The following TMOD2 variants were observed in gnomAD, a reference collection of about 807,000 sequenced individuals.
TMOD2 encodes the protein tropomodulin-2.
Under a neutral mutation model 39.9 loss-of-function variants are expected in TMOD2, and 22 were observed. The observed-to-expected ratio is 0.55, with a 90% CI of 0.39 to 0.79. The LOEUF is 0.79. TMOD2 is among the 30% of genes least tolerant of loss of function. TMOD2 has a pLI of 0.00. For missense variants in TMOD2, 386 were observed against 413.3 expected, an observed-to-expected ratio of 0.93 and a Z score of 0.57; for synonymous variants, 123 against 146.1, an observed-to-expected ratio of 0.84 and a Z score of 1.14.
chr15:51,763,226 A>G (rs1345772551), intron 1 of TMOD2, among the ~76,000 whole-genome samples: 1 of 152,264 alleles, frequency 6.6e-6, no homozygotes, highest in Admixed American at 6.5e-5. Context: ...GGCGTGAGCC[A>G]CTGCACCTGG....
rs1050116869 is a variant in TMOD2 at position 51,799,493 on chromosome 15, C to T, written c.876+1153C>T. On this transcript the variant is annotated intron_variant, in intron 8 of 9. Coordinates refer to ENST00000249700, the MANE Select transcript of TMOD2 (RefSeq NM_014548.4). ...TCAGTGCAGGCCCTCTGGCCCTGGACTAATGATGTTTGTTGCCAGGGGAAC... is the reference window on the plus strand; with the variant it reads ...TCAGTGCAGGCCCTCTGGCCCTGGATTAATGATGTTTGTTGCCAGGGGAAC... 1.3e-4 allele frequency among the ~76,000 whole-genome samples: 19 copies of T among 150,380 alleles called. 1 individual carries two copies. The highest frequency in any genetic ancestry group is 4.6e-4 in the African/African-American group (19 of 40,942).
At chr15:51,775,433 T>G (rs988444311) in intron 4 of TMOD2, among the ~76,000 whole-genome samples, 1 of 152,126 alleles carries the variant, frequency 6.6e-6, no homozygotes, top group African/African-American at 2.4e-5. Context: ...GGAGCCAAAT[T>G]ATAATTAGAA....
In TMOD2 at chr15:51,811,306, A is replaced by T. The variant is rs1364922920; in HGVS notation, c.*2852A>T. On this transcript the variant is annotated 3_prime_UTR_variant, in exon 10 of 10. Transcript: ENST00000249700. ...CATAATGTATATAAAATATTTTTCT[A>T]TGTATTTGTTCTGCCAGATACTGTG... 1 of 152,120 alleles carries T rather than the reference A, an allele frequency of 6.6e-6. No individual in the cohort carries two copies. The highest frequency in any genetic ancestry group is 1.5e-5 in the Non-Finnish European group (1 of 68,012). The allele number at this position is 152,120 out of a possible 1,614,324, so 9.4% of individuals were successfully genotyped here.
In TMOD2 at chr15:51,816,275, A is replaced by G. The variant is rs1005057592; in HGVS notation, c.*7821A>G. ...TTAAGATCTTTCTGCTTTCGAAGGT[A>G]TAATGTATCTATTTCTGTCAGGAAT... On this transcript the variant is annotated 3_prime_UTR_variant, in exon 10 of 10. Coordinates refer to ENST00000249700, the MANE Select transcript of TMOD2 (RefSeq NM_014548.4). The G allele has an allele frequency of 5.9e-5, 9 of 152,362 alleles. No individual in the cohort carries two copies. The highest frequency in any genetic ancestry group is 2.1e-4 in the South Asian group (1 of 4,832). The allele number at this position is 152,362 out of a possible 1,614,324, so 9.4% of individuals were successfully genotyped here. A position where few individuals can be genotyped will look rare whatever the true frequency, so the allele number is the denominator to read the frequency against.
At position 51,768,460 on chromosome 15, in the gene TMOD2, C is replaced by CTTTTT. The variant is rs61348403; in HGVS notation, c.283+50_283+54dup. On this transcript the variant is annotated intron_variant, in intron 3 of 9. Coordinates refer to ENST00000249700, the MANE Select transcript of TMOD2 (RefSeq NM_014548.4). ...GAGCATCTTGGAACAGAGGTTCTCT[C>CTTTTT]TTTTTTTTTTTTGGAACGGAGGCAC... 5.3e-4 allele frequency: 713 copies of CTTTTT among 1,351,960 alleles called. 2 individuals carry two copies. In the Admixed American group the frequency reaches 0.01, roughly 19 times the overall value. 83.7% of individuals were successfully genotyped at this position (1,351,960 alleles called of 1,614,324 possible).
At chr15:51,806,799 T>C (rs1722832405) in intron 9 of TMOD2, among the ~76,000 whole-genome samples, 1 of 152,238 alleles carries the variant, frequency 6.6e-6, no homozygotes, top group Non-Finnish European at 1.5e-5. Context: ...GTTTCTCTTT[T>C]ACTTACATGT....
chr15:51,753,781 G>T (rs2055723704), intron 1 of TMOD2, among the ~76,000 whole-genome samples: 1 of 152,014 alleles, frequency 6.6e-6, no homozygotes, highest in East Asian at 1.9e-4. Flanking sequence ...AAGGATAGGG[G>T]TAGCAGAACA....
intron 3 of TMOD2, among the ~76,000 whole-genome samples, chr15:51,770,043 C>T (rs965967018): frequency 6.6e-6 from 1 of 151,992 alleles, no homozygotes; most frequent in Non-Finnish European, 1.5e-5. Context: ...AATAAATAAA[C>T]AAACAAACCA....
intron 3 of TMOD2, among the ~76,000 whole-genome samples, chr15:51,772,869 T>A (rs1264455734): frequency 1.3e-5 from 2 of 152,200 alleles, no homozygotes; most frequent in East Asian, 3.8e-4. Flanking sequence ...TAGATGAACC[T>A]GCTCCTAATA....
intron 7 of TMOD2, among the ~76,000 whole-genome samples, chr15:51,791,200 A>G (rs570130806): frequency 1.2e-4 from 19 of 152,200 alleles, no homozygotes; most frequent in Non-Finnish European, 2.2e-4. Context: ...AAACATTTCT[A>G]TACACCAAGA....
At chr15:51,780,742 G>A (rs1264177623) in intron 5 of TMOD2, among the ~76,000 whole-genome samples, 3 of 152,186 alleles carry the variant, frequency 2.0e-5, no homozygotes, top group Non-Finnish European at 4.4e-5. Flanking sequence ...TCCATATGGA[G>A]CAGCAATAAC....
At chr15:51,780,232 A>G (rs917687521) in intron 5 of TMOD2, among the ~76,000 whole-genome samples, 3 of 152,244 alleles carry the variant, frequency 2.0e-5, no homozygotes, top group African/African-American at 7.2e-5. Context: ...AGATAATGCC[A>G]AATTACTCTC....
At chr15:51,777,129 G>C in intron 5 of TMOD2, 111 bp downstream of exon 5, 1 of 878,162 alleles carries the variant, frequency 1.1e-6, no homozygotes, top group Non-Finnish European at 1.8e-6. Flanking sequence ...ATTTTGCTAG[G>C]ATCACTTGGG....
chr15:51,801,641 A>G (rs1053385166), intron 8 of TMOD2, among the ~76,000 whole-genome samples: 2 of 152,208 alleles, frequency 1.3e-5, no homozygotes, highest in Non-Finnish European at 2.9e-5. Context: ...TGATTTAATC[A>G]GGTGCCCCCA....
chr15:51,777,755 C>A (rs1364671980), intron 5 of TMOD2, among the ~76,000 whole-genome samples: 1 of 152,144 alleles, frequency 6.6e-6, no homozygotes, highest in African/African-American at 2.4e-5. Context: ...CAATAAAATA[C>A]TGGCAAACCG....
intron 7 of TMOD2, among the ~76,000 whole-genome samples, chr15:51,788,391 G>A (rs2055985659): frequency 6.6e-6 from 1 of 152,164 alleles, no homozygotes; most frequent in Admixed American, 6.6e-5. Flanking sequence ...CCAAATCTAC[G>A]TTTGATTGGT....
intron 7 of TMOD2, among the ~76,000 whole-genome samples, chr15:51,797,411 C>A (rs1244721599): frequency 6.6e-6 from 1 of 152,210 alleles, no homozygotes; most frequent in Non-Finnish European, 1.5e-5. Context: ...TAAGGAATTG[C>A]CCCAAATGGG....
intron 1 of TMOD2, among the ~76,000 whole-genome samples, chr15:51,757,401 C>CAAAAAAA (rs3078133): frequency 1.2e-5 from 1 of 81,902 alleles, no homozygotes; most frequent in Non-Finnish European, 2.3e-5. Context: ...GACTCCGTCT[C>CAAAAAAA]AAAAAAAAAA....
chr15:51,764,634 G>A (rs2141615988), intron 1 of TMOD2, among the ~76,000 whole-genome samples: 1 of 152,286 alleles, frequency 6.6e-6, no homozygotes, highest in Admixed American at 6.5e-5. Context: ...GCAGAAGGAA[G>A]GCCCTTCACA....
Sources: allele counts gnomAD v4.1 joint callset (sites outside exome capture counted in the v4.1 genomes callset), GRCh38; gene constraint gnomAD v4.1.1; transcripts MANE v1.5; gene names NCBI Gene and HGNC (gene_info 2026-07-23, HGNC 2026-07-21).